ATG16L1: variants seen among roughly 807,000 people sequenced by gnomAD.
ATG16L1 encodes the protein autophagy-related protein 16-1.
ATG16L1 carries 37 observed loss-of-function variants against 88.5 expected under a neutral mutation model. That is an observed-to-expected ratio of 0.42 (90% CI 0.32 to 0.55). The LOEUF (loss-of-function observed/expected upper bound fraction) is 0.55, where lower values mean the gene tolerates loss of function less well. Among genes scored for constraint, ATG16L1 ranks in the 20% least tolerant of loss-of-function variants. The pLI is 0.13. For synonymous variants in ATG16L1, 301 were observed against 281.0 expected (o/e 1.07, Z -0.71); for missense variants, 554 against 752.8 (o/e 0.74, Z 3.09).
chr2:233,294,343 A>C lies in ATG16L1; in HGVS notation c.1817A>C (p.Gln606Pro), dbSNP rs1699671204. Reference protein sequence around the residue: ...DKGCKAVLWAQY With the variant: ...DKGCKAVLWAPY ...GGATGCAAAGCTGTGCTGTGGGCACAGTACTGACGGGGCTCTCAGGGCTGG... is the reference window on the plus strand; with the variant it reads ...GGATGCAAAGCTGTGCTGTGGGCACCGTACTGACGGGGCTCTCAGGGCTGG... The change falls in exon 18 of 18, where the codon CAG becomes CCG. Residue 606 changes from glutamine (Q) to proline (P), a missense_variant. Physicochemically the swap from Gln to Pro is moderately conservative, Grantham distance 76. Coordinates refer to ENST00000392017, the MANE Select transcript of ATG16L1 (RefSeq NM_030803.7). 1 of 1,613,476 alleles carries C rather than the reference A, an allele frequency of 6.2e-7. No individual in the cohort carries two copies. The highest frequency in any genetic ancestry group is 1.3e-5 in the African/African-American group (1 of 74,936).
At chr2:233,253,057 C>G (rs1051303542) in intron 1 of ATG16L1, among the ~76,000 whole-genome samples, 1 of 152,150 alleles carries the variant, frequency 6.6e-6, no homozygotes, top group African/African-American at 2.4e-5. Context: ...TCACAAGTAT[C>G]ACAGTACACA....
At chr2:233,286,526 C>T (rs1293052719) in intron 12 of ATG16L1, among the ~76,000 whole-genome samples, 3 of 151,806 alleles carry the variant, frequency 2.0e-5, no homozygotes, top group Non-Finnish European at 2.9e-5. Flanking sequence ...CTGTAGGAGG[C>T]CCAGCTCTAT....
intron 2 of ATG16L1, among the ~76,000 whole-genome samples, chr2:233,260,183 C>T (rs1697110086): frequency 6.6e-6 from 1 of 152,226 alleles, no homozygotes; most frequent in African/African-American, 2.4e-5. Flanking sequence ...TGATCTGCAT[C>T]AGTTATCAGA....
In ATG16L1 at chr2:233,274,638, C is replaced by G. The variant is rs745307077; in HGVS notation, c.852-38C>G. 5.9e-6 allele frequency: 9 copies of G among 1,521,344 alleles called. No homozygotes were observed. The South Asian group carries it at 9.1e-5, about 15-fold the overall frequency. The allele number at this position is 1,521,344 out of a possible 1,614,324, so 94.2% of individuals were successfully genotyped here. A position where few individuals can be genotyped will look rare whatever the true frequency, so the allele number is the denominator to read the frequency against. The stretch of plus-strand genomic sequence containing the variant: ...CAATTTGATGAGCAGTAAACCTCTG[C>G]AATCCTGTCTAATATTTGTCTTTAT... On this transcript the variant is annotated intron_variant, in intron 8 of 17. Coordinates refer to ENST00000392017, the MANE Select transcript of ATG16L1 (RefSeq NM_030803.7).
chr2:233,287,472 A>G (rs1049400457), intron 12 of ATG16L1, among the ~76,000 whole-genome samples: 2 of 152,340 alleles, frequency 1.3e-5, no homozygotes, highest in African/African-American at 2.4e-5. Flanking sequence ...CTTATGAACA[A>G]TGTCTTTTTC....
chr2:233,263,998 C>G lies in ATG16L1; in HGVS notation c.322C>G (p.Gln108Glu), dbSNP rs1260250872. Residue 108 changes from glutamine (Q) to glutamate (E), a missense_variant, in exon 4 of 18, where the codon CAA (glutamine) becomes GAA (glutamate). By Grantham distance (29) the Gln-to-Glu change is conservative. Coordinates refer to ENST00000392017, the MANE Select transcript of ATG16L1 (RefSeq NM_030803.7). ...ATTCTTCTTTATCTCCCAGTTAGCT[C>G]AACTGGTGATTGACCTGAATAACCA... ...ELHKKRGELA[Q>E]LVIDLNNQMQ... The G allele has an allele frequency of 6.2e-7, 1 of 1,613,880 alleles. No individual in the cohort carries two copies. Among genetic ancestry groups the G allele is most frequent in the Non-Finnish European group, 8.5e-7 (1 of 1,179,822 alleles).
chr2:233,276,006 T>A (rs1242283079), intron 9 of ATG16L1: 1 of 513,204 alleles, frequency 1.9e-6, no homozygotes, highest in Admixed American at 2.0e-5. Flanking sequence ...TGAGACCTCC[T>A]AAGGAGAAAG....
intron 2 of ATG16L1, among the ~76,000 whole-genome samples, chr2:233,257,010 T>A (rs1696831229): frequency 1.7e-5 from 2 of 118,830 alleles, no homozygotes; most frequent in East Asian, 2.2e-4. Context: ...CAGCTTACAA[T>A]TTTTTTTGTT....
intron 5 of ATG16L1, among the ~76,000 whole-genome samples, chr2:233,265,668 C>T (rs1487341055): frequency 1.3e-5 from 2 of 152,082 alleles, no homozygotes; most frequent in African/African-American, 4.8e-5. Flanking sequence ...TGGAGTTTCA[C>T]CATGTTGGCC....
intron 12 of ATG16L1, chr2:233,283,035 T>C (rs1390596395): frequency 2.9e-6 from 1 of 341,826 alleles, no homozygotes; most frequent in Non-Finnish European, 5.6e-6. Context: ...AATTTTGGCT[T>C]AATGGCACAG....
Position 233,286,621 on chromosome 2 carries a change from C to CATTTTTTT in ATG16L1, c.1204-3233_1204-3232insATTTTTTT, listed in dbSNP as rs34087184. Reference sequence around the variant, plus strand: ...AGAATAAGGTGAGCAGAAGCCCAAACTTTTTTTTTTTTTTTTTTTTTTGAG... The same window carrying CATTTTTTT: ...AGAATAAGGTGAGCAGAAGCCCAAACATTTTTTTTTTTTTTTTTTTTTTTTTTTTTGAG... On this transcript the variant is annotated intron_variant, in intron 12 of 17. Coordinates refer to ENST00000392017, the MANE Select transcript of ATG16L1 (RefSeq NM_030803.7). Among the ~76,000 whole-genome samples, 838 of 93,256 alleles carry CATTTTTTT rather than the reference C, an allele frequency of 9.0e-3. 10 individuals are homozygous for CATTTTTTT. Among genetic ancestry groups the CATTTTTTT allele is most frequent in the East Asian group, 0.023 (80 of 3,504 alleles). The allele number at this position is 93,256 out of a possible 152,430, so 61.2% of individuals were successfully genotyped here.
chr2:233,292,270 A>G lies in ATG16L1; in HGVS notation c.1573A>G (p.Thr525Ala). Residue 525 changes from threonine to alanine, a missense_variant, in exon 15 of 18, where the codon ACA (threonine) becomes GCA (alanine). Physicochemically the swap from Thr to Ala is moderately conservative, Grantham distance 58. Transcript: ENST00000392017. ...TCTCCGAACAAATGCTATCAAGCAG[A>G]CATTCAGGTAACTGAAGATGTGCTG... ...IDLRTNAIKQ[T>A]FSAPGFKCGS... 6.2e-7 allele frequency: 1 copy of G among 1,614,238 alleles called. No individual in the cohort carries two copies. Among genetic ancestry groups the G allele is most frequent in the Non-Finnish European group, 8.5e-7 (1 of 1,180,030 alleles).
intron 12 of ATG16L1, among the ~76,000 whole-genome samples, chr2:233,286,153 T>C (rs1453443566): frequency 6.6e-6 from 1 of 152,200 alleles, no homozygotes; most frequent in Non-Finnish European, 1.5e-5. Flanking sequence ...TTCTGCATTC[T>C]TCTGGAATCG....
intron 10 of ATG16L1, among the ~76,000 whole-genome samples, chr2:233,278,224 A>T (rs919356109): frequency 1.3e-5 from 2 of 152,198 alleles, no homozygotes; most frequent in African/African-American, 4.8e-5. Context: ...TTGGACTTTT[A>T]GGATGCTCAG....
In ATG16L1 at chr2:233,288,923, C is replaced by G. The variant is rs547884745; in HGVS notation, c.1204-931C>G. Reference sequence around the variant, plus strand: ...GCTGGTATCTGTGGCTATGATCTGCCTTGTTCAAGCTGAGACCTCTGATTG... The same window carrying G: ...GCTGGTATCTGTGGCTATGATCTGCGTTGTTCAAGCTGAGACCTCTGATTG... On this transcript the variant is annotated intron_variant, in intron 12 of 17. Transcript: ENST00000392017. 1.7e-5 allele frequency: 9 copies of G among 518,196 alleles called. No homozygotes were observed. The East Asian group carries it at 3.3e-4, about 19-fold the overall frequency. The allele number at this position is 518,196 out of a possible 1,614,324, so 32.1% of individuals were successfully genotyped here.
At chr2:233,290,756 G>A (rs778247919) in intron 14 of ATG16L1, among the ~76,000 whole-genome samples, 3 of 152,132 alleles carry the variant, frequency 2.0e-5, no homozygotes, top group African/African-American at 4.8e-5. Context: ...GGATTCACAC[G>A]GCAGGAAAGC....
chr2:233,252,037 C>A, intron 1 of ATG16L1, 95 bp downstream of exon 1: 1 of 1,113,342 alleles, frequency 9.0e-7, no homozygotes, highest in Non-Finnish European at 1.2e-6. Context: ...TCCCTGGCGC[C>A]GCCCGCACGC....
chr2:233,274,543 A>G, intron 8 of ATG16L1, 133 bp from the exon 9 acceptor site: 1 of 613,238 alleles, frequency 1.6e-6, no homozygotes, highest in South Asian at 2.3e-5. Context: ...TGTAGTTTGA[A>G]GAATCTAGAA....
chr2:233,263,697 T>C (rs889284382), intron 3 of ATG16L1, among the ~76,000 whole-genome samples: 1 of 152,172 alleles, frequency 6.6e-6, no homozygotes, highest in African/African-American at 2.4e-5. Flanking sequence ...TACAGCTGAA[T>C]TGATTATCTT....
Sources: gnomAD v4.1 joint callset for allele counts (sites outside exome capture counted in the v4.1 genomes callset) on GRCh38, gnomAD v4.1.1 for gene constraint, MANE v1.5 for transcripts, NCBI Gene and HGNC (gene_info 2026-07-23, HGNC 2026-07-21) for gene names.